The following DLC1 variants were observed in gnomAD, a reference collection of about 807,000 sequenced individuals.
The protein encoded by DLC1 is DLC1 Rho GTPase activating protein.
Under a neutral mutation model 140.3 loss-of-function variants are expected in DLC1, and 54 were observed. The ratio of observed to expected loss-of-function variants is 0.38; its 90% CI spans 0.31 to 0.48. DLC1 has a LOEUF of 0.48. DLC1 is among the 20% of genes least tolerant of loss of function. The probability of loss-of-function intolerance (pLI) is 0.96; values close to 1 mark genes in which losing one functional copy is unlikely to be tolerated. For missense variants in DLC1, 2,536 were observed against 1,907.0 expected (o/e 1.33, Z -6.14); for synonymous variants, 986 against 728.1 (o/e 1.35, Z -5.70).
chr8:13,219,022 G>GAATATAATATATACGAATATAAT (rs1251796878), intron 5 of DLC1, among the ~76,000 whole-genome samples: 1 of 82,106 alleles, frequency 1.2e-5, no homozygotes, highest in Non-Finnish European at 2.2e-5. Flanking sequence ...AATTATATAC[G>GAATATAATATATACGAATATAAT]TATATAATTA....
At chr8:13,258,568 C>A (rs1830349183) in intron 5 of DLC1, among the ~76,000 whole-genome samples, 2 of 152,150 alleles carry the variant, frequency 1.3e-5, no homozygotes, top group Admixed American at 1.3e-4. Flanking sequence ...TCTTACTGGT[C>A]ATGTGACTTT....
At chr8:13,544,185 T>C (rs1386587342) in intron 1 of DLC1, among the ~76,000 whole-genome samples, 1 of 134,640 alleles carries the variant, frequency 7.4e-6, no homozygotes, top group Non-Finnish European at 1.6e-5. Flanking sequence ...CATTCTCTCT[T>C]ACACACACAC....
chr8:13,431,783 G>A (rs1838890351), intron 2 of DLC1, among the ~76,000 whole-genome samples: 1 of 152,128 alleles, frequency 6.6e-6, no homozygotes, highest in Non-Finnish European at 1.5e-5. Context: ...CGTGGGTGGG[G>A]AAGTGGGGTG....
intron 1 of DLC1, among the ~76,000 whole-genome samples, chr8:13,583,400 G>A (rs1442439157): frequency 6.6e-6 from 1 of 152,154 alleles, no homozygotes; most frequent in African/African-American, 2.4e-5. Context: ...GCAACTCTCT[G>A]TTGGTTCAGG....
intron 4 of DLC1, among the ~76,000 whole-genome samples, chr8:13,356,007 A>G (rs765989548): frequency 6.3e-5 from 9 of 142,090 alleles, no homozygotes; most frequent in East Asian, 2.2e-4. Flanking sequence ...GGAGAATGGC[A>G]TGAACTCAGG....
At chr8:13,172,962 G>C (rs1428591479) in intron 5 of DLC1, among the ~76,000 whole-genome samples, 2 of 152,158 alleles carry the variant, frequency 1.3e-5, no homozygotes, top group Admixed American at 6.5e-5. Context: ...TAACCAAAAA[G>C]TCATTAGGGT....
chr8:13,291,966 C>T (rs997235030), intron 5 of DLC1, among the ~76,000 whole-genome samples: 1 of 138,022 alleles, frequency 7.2e-6, no homozygotes, highest in Non-Finnish European at 1.5e-5. Context: ...AGGAAACAGA[C>T]AAACAAAAAA....
chr8:13,276,208 G>C, intron 5 of DLC1: 1 of 1,527,554 alleles, frequency 6.5e-7, no homozygotes, highest in Non-Finnish European at 8.7e-7. Flanking sequence ...GCAGTAAATT[G>C]TTTTCTTTTT....
intron 4 of DLC1, among the ~76,000 whole-genome samples, chr8:13,309,315 A>G (rs10503447): frequency 0.051 from 7,765 of 152,222 alleles, 249 homozygotes; most frequent in South Asian, 0.12. Context: ...AAAATCATCC[A>G]TAGTCTTTTG....
At chr8:13,459,839 G>A (rs1205035154) in intron 2 of DLC1, among the ~76,000 whole-genome samples, 1 of 152,162 alleles carries the variant, frequency 6.6e-6, no homozygotes, top group Non-Finnish European at 1.5e-5. Flanking sequence ...CATAACACAC[G>A]CTATAAAAAG....
chr8:13,192,437 A>C (rs753049031), intron 5 of DLC1, among the ~76,000 whole-genome samples: 1 of 152,204 alleles, frequency 6.6e-6, no homozygotes, highest in Non-Finnish European at 1.5e-5. Flanking sequence ...TGAAGATTCA[A>C]GTCTTTTTTG....
intron 2 of DLC1, among the ~76,000 whole-genome samples, chr8:13,433,394 G>A (rs1031123562): frequency 1.3e-5 from 2 of 152,096 alleles, no homozygotes; most frequent in African/African-American, 2.4e-5. Flanking sequence ...TTCTATTAAG[G>A]TAGTTACAGA....
intron 1 of DLC1, chr8:13,558,693 T>A (rs1020601718): frequency 6.6e-6 from 1 of 152,098 alleles, no homozygotes; most frequent in Non-Finnish European, 1.5e-5. Context: ...AACAAATGGG[T>A]CACATTGAAT....
chr8:13,530,885 A>G (rs1206623018), intron 1 of DLC1, among the ~76,000 whole-genome samples: 3 of 152,212 alleles, frequency 2.0e-5, no homozygotes. Flanking sequence ...CAAATATTTT[A>G]CCATTTGCTA....
At chr8:13,124,202 AGAC>A (rs1821361499) in intron 5 of DLC1, among the ~76,000 whole-genome samples, 1 of 152,228 alleles carries the variant, frequency 6.6e-6, no homozygotes. Context: ...GACATAGGAA[AGAC>A]ATGTGTGACA....
chr8:13,592,513 A>G (rs1322914758), intron 1 of DLC1, among the ~76,000 whole-genome samples: 2 of 152,070 alleles, frequency 1.3e-5, no homozygotes, highest in African/African-American at 2.4e-5. Context: ...CCTAACATTG[A>G]CCAATATATT....
intron 4 of DLC1, among the ~76,000 whole-genome samples, chr8:13,324,580 A>AAAG (rs1402653030): frequency 2.6e-5 from 4 of 151,940 alleles, no homozygotes; most frequent in African/African-American, 9.6e-5. Flanking sequence ...CTCAAAAAAA[A>AAAG]AAAAAAAAAG....
chr8:13,399,436 CT>C (rs1837202329), intron 3 of DLC1, among the ~76,000 whole-genome samples: 1 of 152,138 alleles, frequency 6.6e-6, no homozygotes, highest in Non-Finnish European at 1.5e-5. Context: ...ATTACTCATC[CT>C]CTCTCTCTGA....
chr8:13,371,235 T>C (rs1042062583), intron 4 of DLC1, among the ~76,000 whole-genome samples: 6 of 152,214 alleles, frequency 3.9e-5, no homozygotes, highest in African/African-American at 1.4e-4. Context: ...TCTTTGCTAT[T>C]ACCTCAGTTT....
Sources: gnomAD v4.1 joint callset for allele counts (sites outside exome capture counted in the v4.1 genomes callset) on GRCh38, gnomAD v4.1.1 for gene constraint, MANE v1.5 for transcripts, NCBI Gene and HGNC (gene_info 2026-07-23, HGNC 2026-07-21) for gene names.